Variants in TNFRSF19 observed in about 807,000 individuals in gnomAD.
TNFRSF19 encodes the protein TNF receptor superfamily member 19.
TNFRSF19 carries 27 observed loss-of-function variants against 46.4 expected under a neutral mutation model. The observed-to-expected ratio is 0.58, with a 90% CI of 0.43 to 0.80. The LOEUF (loss-of-function observed/expected upper bound fraction) is 0.80, where lower values mean the gene tolerates loss of function less well. TNFRSF19 is among the 30% of genes least tolerant of loss of function. The pLI, the probability that TNFRSF19 is intolerant of heterozygous loss-of-function variation, is 0.00. For synonymous variants in TNFRSF19, 204 were observed against 205.0 expected (o/e 1.00, Z 0.04); for missense variants, 511 against 530.8 (o/e 0.96, Z 0.37).
chr13:23,591,786 T>C (rs1281853939), intron 2 of TNFRSF19, among the ~76,000 whole-genome samples: 1 of 150,630 alleles, frequency 6.6e-6, no homozygotes, highest in Admixed American at 6.7e-5. Flanking sequence ...AGTGCAGTGG[T>C]GCGATCTTGG....
chr13:23,650,588 G>A (rs927236388), intron 5 of TNFRSF19, among the ~76,000 whole-genome samples: 2 of 152,180 alleles, frequency 1.3e-5, no homozygotes, highest in African/African-American at 4.8e-5. Flanking sequence ...AGGGGCTGCA[G>A]GGATGGGGGA....
chr13:23,588,327 T>C (rs1199923906), intron 1 of TNFRSF19, among the ~76,000 whole-genome samples: 1 of 152,230 alleles, frequency 6.6e-6, no homozygotes, highest in East Asian at 1.9e-4. Flanking sequence ...GGCTCAGCAC[T>C]TTGTGTTAGC....
intron 3 of TNFRSF19, among the ~76,000 whole-genome samples, chr13:23,613,713 A>T (rs971220624): frequency 1.3e-5 from 2 of 152,104 alleles, no homozygotes; most frequent in Non-Finnish European, 1.5e-5. Flanking sequence ...GGTCACGTGC[A>T]CCTGTGCCTT....
chr13:23,667,984 G>T lies in TNFRSF19; in HGVS notation c.741G>T (p.Pro247=). 1 of 1,603,818 alleles carries T rather than the reference G, an allele frequency of 6.2e-7. No individual in the cohort carries two copies. Among genetic ancestry groups the T allele is most frequent in the Non-Finnish European group, 8.5e-7 (1 of 1,175,244 alleles). The change falls in exon 8 of 10, where the codon CCG becomes CCT. Residue 247 remains proline, a synonymous_variant. Transcript: ENST00000248484. ...CACCTGTGCTGTCTTCCCTAGGGCCGGTGCGCTTGCTCCCATCCATGTGCT... is the reference window on the plus strand; with the variant it reads ...CACCTGTGCTGTCTTCCCTAGGGCCTGTGCGCTTGCTCCCATCCATGTGCT... The part of the protein sequence containing the change: ...CRRDSVQTCG[P]VRLLPSMCCE...
chr13:23,603,027 A>C (rs1033486282), intron 3 of TNFRSF19, among the ~76,000 whole-genome samples: 1 of 152,032 alleles, frequency 6.6e-6, no homozygotes, highest in Non-Finnish European at 1.5e-5. Context: ...TTAAAAACAG[A>C]AACTCTGGAG....
At chr13:23,609,467 T>A (rs1364437313) in intron 3 of TNFRSF19, among the ~76,000 whole-genome samples, 1 of 152,180 alleles carries the variant, frequency 6.6e-6, no homozygotes, top group Non-Finnish European at 1.5e-5. Context: ...CTGCCTAGAA[T>A]TCGCCCAGCC....
At chr13:23,581,127 C>CTTTTTTTTTTTTTT in intron 1 of TNFRSF19, among the ~76,000 whole-genome samples, 1 of 123,244 alleles carries the variant, frequency 8.1e-6, no homozygotes, top group Non-Finnish European at 1.8e-5. Context: ...TTCTTTTTTT[C>CTTTTTTTTTTTTTT]TTTTCTTTTT....
At chr13:23,581,132 CTT>C (rs746641461) in intron 1 of TNFRSF19, among the ~76,000 whole-genome samples, 6 of 143,632 alleles carry the variant, frequency 4.2e-5, no homozygotes, top group Admixed American at 7.0e-5. Flanking sequence ...TTTTTCTTTT[CTT>C]TTTTTTTTTT....
At chr13:23,616,580 GT>G (rs56314674) in intron 4 of TNFRSF19, among the ~76,000 whole-genome samples, 34,875 of 133,990 alleles carry the variant, frequency 0.26, 4,415 homozygotes, top group Non-Finnish European at 0.34. Flanking sequence ...TTGTTTGTTT[GT>G]TTTGTTTTGT....
chr13:23,612,349 G>A (rs1229554683), intron 3 of TNFRSF19, among the ~76,000 whole-genome samples: 1 of 152,194 alleles, frequency 6.6e-6, no homozygotes, highest in African/African-American at 2.4e-5. Context: ...CATCAAAGCA[G>A]ACATTTATAT....
chr13:23,622,410 A>C (rs555111478), intron 4 of TNFRSF19, among the ~76,000 whole-genome samples: 5 of 152,306 alleles, frequency 3.3e-5, no homozygotes, highest in Non-Finnish European at 5.9e-5. Flanking sequence ...CTCCATCTCA[A>C]GAAATAAATA....
chr13:23,642,172 A>AT (rs577936158), intron 5 of TNFRSF19, among the ~76,000 whole-genome samples: 80 of 152,354 alleles, frequency 5.3e-4, no homozygotes, highest in African/African-American at 1.9e-3. Flanking sequence ...GTTTTTAATC[A>AT]TTAATTCTCC....
At chr13:23,577,352 T>C (rs184327454) in intron 1 of TNFRSF19, among the ~76,000 whole-genome samples, 3 of 152,270 alleles carry the variant, frequency 2.0e-5, no homozygotes, top group East Asian at 3.9e-4. Context: ...AAGAAGAACA[T>C]TTGGTTGAAG....
chr13:23,620,219 TA>T (rs1881562679), intron 4 of TNFRSF19, among the ~76,000 whole-genome samples: 1 of 152,220 alleles, frequency 6.6e-6, no homozygotes, highest in Non-Finnish European at 1.5e-5. Context: ...ACCCATTTTA[TA>T]AACAGAAAAA....
At chr13:23,641,122 C>T (rs1883014412) in intron 5 of TNFRSF19, among the ~76,000 whole-genome samples, 1 of 152,172 alleles carries the variant, frequency 6.6e-6, no homozygotes, top group Non-Finnish European at 1.5e-5. Context: ...GTACTATCAG[C>T]TGTGTCTTGC....
chr13:23,673,459 G>T lies in TNFRSF19; in HGVS notation c.*79G>T. The T allele has an allele frequency of 6.8e-7, 1 of 1,476,488 alleles. No individual in the cohort carries two copies. The highest frequency in any genetic ancestry group is 1.5e-5 in the South Asian group (1 of 68,952). The allele number at this position is 1,476,488 out of a possible 1,614,324, so 91.5% of individuals were successfully genotyped here. On this transcript the variant is annotated 3_prime_UTR_variant, in exon 10 of 10. Coordinates refer to ENST00000248484, the MANE Select transcript of TNFRSF19 (RefSeq NM_148957.4). Reference sequence around the variant, plus strand: ...CTTTGTTAGGCTTATGGACTGAGCAGTCTGGACCTTGCATGGCTTCTGGGG... The same window carrying T: ...CTTTGTTAGGCTTATGGACTGAGCATTCTGGACCTTGCATGGCTTCTGGGG...
chr13:23,632,398 A>G (rs1882410644), intron 5 of TNFRSF19, among the ~76,000 whole-genome samples: 1 of 152,214 alleles, frequency 6.6e-6, no homozygotes, highest in Non-Finnish European at 1.5e-5. Context: ...GGGAATAGGA[A>G]GACAATGAGA....
At chr13:23,579,725 G>C (rs946086761) in intron 1 of TNFRSF19, among the ~76,000 whole-genome samples, 2 of 152,330 alleles carry the variant, frequency 1.3e-5, no homozygotes, top group Non-Finnish European at 1.5e-5. Flanking sequence ...TCTCGGGGCC[G>C]TGACAGGCGG....
At chr13:23,638,851 A>G (rs1230664050) in intron 5 of TNFRSF19, among the ~76,000 whole-genome samples, 1 of 152,048 alleles carries the variant, frequency 6.6e-6, no homozygotes, top group Non-Finnish European at 1.5e-5. Context: ...GGTGCCCTTC[A>G]GTCCTGTTTT....
Sources: gnomAD v4.1 joint callset for allele counts (sites outside exome capture counted in the v4.1 genomes callset) on GRCh38, gnomAD v4.1.1 for gene constraint, MANE v1.5 for transcripts, NCBI Gene and HGNC (gene_info 2026-07-23, HGNC 2026-07-21) for gene names.